IFT74: variants seen among roughly 807,000 people sequenced by gnomAD.
IFT74 encodes intraflagellar transport 74, also known as intraflagellar transport protein 74 homolog.
In IFT74, 92 loss-of-function variants were observed where a neutral mutation model predicts 96.7. That is an observed-to-expected ratio of 0.95 (90% confidence interval 0.80 to 1.13). The LOEUF is 1.13. Among genes scored for constraint, IFT74 ranks in the 50% most tolerant of loss-of-function variants. The pLI is 0.00. For synonymous variants in IFT74, 223 were observed against 213.2 expected, an observed-to-expected ratio of 1.05 and a Z score of -0.40; for missense variants, 811 against 698.2, an observed-to-expected ratio of 1.16 and a Z score of -1.82.
At position 26,972,919 on chromosome 9, in the gene IFT74, C is replaced by T. The variant is rs771710134; in HGVS notation, c.121-5209C>T. On this transcript the variant is annotated intron_variant, in intron 2 of 19. Transcript: ENST00000380062. The stretch of plus-strand genomic sequence containing the variant: ...GTCACCCACTTTTTTTATATCTTCA[C>T]CAGATATGAGAATATCATCCACATA... 5.9e-5 allele frequency among the ~76,000 whole-genome samples: 9 copies of T among 152,152 alleles called. No homozygotes were observed. The South Asian group carries it at 6.2e-4, about 10-fold the overall frequency.
intron 12 of IFT74, 131 bp downstream of exon 12, chr9:27,018,818 G>C: frequency 2.2e-6 from 1 of 457,194 alleles, no homozygotes. Flanking sequence ...GTGTTTAAGA[G>C]CCATTGCATA....
intron 6 of IFT74, 50 bp from the exon 7 acceptor site, chr9:26,988,619 G>A (rs748481089): frequency 5.5e-6 from 8 of 1,467,816 alleles, no homozygotes; most frequent in South Asian, 1.2e-5. Flanking sequence ...TAGAGAACAT[G>A]TGTAAAGACT....
chr9:27,052,260 A>G (rs1331547018), intron 16 of IFT74, among the ~76,000 whole-genome samples: 2 of 152,170 alleles, frequency 1.3e-5, no homozygotes, highest in African/African-American at 4.8e-5. Context: ...CTGTAATCCC[A>G]CCACTTTGGG....
intron 8 of IFT74, among the ~76,000 whole-genome samples, chr9:27,003,288 C>T (rs992110022): frequency 3.3e-5 from 5 of 151,754 alleles, no homozygotes; most frequent in South Asian, 2.1e-4. Context: ...TTTGGGAGGC[C>T]GAGGCGGGCA....
intron 8 of IFT74, among the ~76,000 whole-genome samples, chr9:26,992,641 C>T (rs1028059313): frequency 1.3e-5 from 2 of 151,568 alleles, no homozygotes; most frequent in Non-Finnish European, 2.9e-5. Context: ...TTCAGTAAGC[C>T]GAGATTGCGC....
At position 26,948,448 on chromosome 9, in the gene IFT74, A is replaced by ATTATTTTTTTTTTTTT. The variant is rs1825819541; in HGVS notation, c.-20+1304_-20+1305insATTTTTTTTTTTTTTT. ...TGACAACCTGTGATGGCTTTCCATT[A>ATTATTTTTTTTTTTTT]TTTTTTTTTTTTTTTTTTTTTTTTT... On this transcript the variant is annotated intron_variant, in intron 1 of 19. Transcript: ENST00000433700. Among the ~76,000 whole-genome samples the ATTATTTTTTTTTTTTT allele has an allele frequency of 2.7e-3, 160 of 59,170 alleles. 17 individuals carry two copies. Among genetic ancestry groups the ATTATTTTTTTTTTTTT allele is most frequent in the Non-Finnish European group, 3.9e-3 (103 of 26,088 alleles). The allele number at this position is 59,170 out of a possible 152,430, so 38.8% of individuals were successfully genotyped here.
chr9:27,055,351 G>A (rs1218553062), intron 16 of IFT74, among the ~76,000 whole-genome samples: 1 of 152,002 alleles, frequency 6.6e-6, no homozygotes, highest in Non-Finnish European at 1.5e-5. Flanking sequence ...AAACTTAAAT[G>A]TTTGTTAGCA....
At chr9:26,955,459 T>A (rs1253456022), upstream of IFT74, among the ~76,000 whole-genome samples, 1 of 152,138 alleles carries the variant, frequency 6.6e-6, no homozygotes, top group Non-Finnish European at 1.5e-5. Flanking sequence ...CATGTCCCAG[T>A]AATAAGGAAG....
At chr9:27,000,005 G>C (rs1048423134) in intron 8 of IFT74, among the ~76,000 whole-genome samples, 1 of 151,988 alleles carries the variant, frequency 6.6e-6, no homozygotes, top group African/African-American at 2.4e-5. Flanking sequence ...TCCTGGGTGC[G>C]AGCCATTTCC....
In IFT74 at chr9:27,030,235, A is replaced by G. The variant is rs573302361; in HGVS notation, c.1054+1131A>G. Among the ~76,000 whole-genome samples, 42 of 152,232 alleles carry G rather than the reference A, an allele frequency of 2.8e-4. 1 individual carries two copies. The South Asian group carries it at 7.9e-3, about 29-fold the overall frequency. On this transcript the variant is annotated intron_variant, in intron 13 of 19. Coordinates refer to ENST00000380062, the MANE Select transcript of IFT74 (RefSeq NM_025103.4). ...TAGGTATGGTATAAACAGTGTGCAC[A>G]TGTACATGTATTCTTGTTATGGCTA...
chr9:27,061,515 C>T (rs1274960594), intron 19 of IFT74, among the ~76,000 whole-genome samples: 1 of 151,982 alleles, frequency 6.6e-6, no homozygotes, highest in Non-Finnish European at 1.5e-5. Flanking sequence ...CTCCTAGGCT[C>T]AATCCCACCT....
At chr9:26,967,856 C>T (rs1042475597) in intron 2 of IFT74, among the ~76,000 whole-genome samples, 1 of 152,060 alleles carries the variant, frequency 6.6e-6, no homozygotes, top group Non-Finnish European at 1.5e-5. Flanking sequence ...GGCTTTTGTC[C>T]TTCAGTCTGA....
In IFT74 at chr9:26,988,715, A is replaced by G. The variant is rs779368580; in HGVS notation, c.512A>G (p.Asn171Ser). ...NTNTEMEEVM[N>S]DYNMLKAQND... ...AACACTGAAATGGAAGAAGTAATGAATGATTACAATATGGTAAGAAAATTT... is the reference window on the plus strand; with the variant it reads ...AACACTGAAATGGAAGAAGTAATGAGTGATTACAATATGGTAAGAAAATTT... The change falls in exon 7 of 20, where the codon AAT (asparagine) becomes AGT (serine). Residue 171 changes from asparagine to serine, a missense_variant. Coordinates refer to ENST00000380062, the MANE Select transcript of IFT74 (RefSeq NM_025103.4). The G allele has an allele frequency of 6.5e-7, 1 of 1,539,868 alleles. No individual in the cohort carries two copies.
At chr9:27,049,141 G>C (rs1348549880) in intron 16 of IFT74, among the ~76,000 whole-genome samples, 1 of 152,042 alleles carries the variant, frequency 6.6e-6, no homozygotes, top group Non-Finnish European at 1.5e-5. Flanking sequence ...GCTTCCTGAG[G>C]CCCTCACCAG....
At chr9:27,001,455 C>T (rs766013260) in intron 8 of IFT74, among the ~76,000 whole-genome samples, 11 of 152,270 alleles carry the variant, frequency 7.2e-5, no homozygotes, top group African/African-American at 1.2e-4. Flanking sequence ...TTCTCCACAT[C>T]GTCACCAGCA....
At position 26,948,448 on chromosome 9, in the gene IFT74, A is replaced by ATTATTTTTTTTTTTTTTTTTT. The variant is rs1825819541; in HGVS notation, c.-20+1304_-20+1305insATTTTTTTTTTTTTTTTTTTT. 5.1e-4 allele frequency among the ~76,000 whole-genome samples: 30 copies of ATTATTTTTTTTTTTTTTTTTT among 59,164 alleles called. 6 individuals are homozygous for ATTATTTTTTTTTTTTTTTTTT. Among genetic ancestry groups the ATTATTTTTTTTTTTTTTTTTT allele is most frequent in the East Asian group, 8.8e-4 (3 of 3,412 alleles). 38.8% of individuals were successfully genotyped at this position (59,164 alleles called of 152,430 possible). A position where few individuals can be genotyped will look rare whatever the true frequency, so the allele number is the denominator to read the frequency against. On this transcript the variant is annotated intron_variant, in intron 1 of 19. Transcript: ENST00000433700. ...TGACAACCTGTGATGGCTTTCCATT[A>ATTATTTTTTTTTTTTTTTTTT]TTTTTTTTTTTTTTTTTTTTTTTTT...
rs1827203056 is a variant in IFT74 at position 26,978,123 on chromosome 9, T to C, written c.121-5T>C. The C allele has an allele frequency of 6.4e-7, 1 of 1,570,152 alleles. No homozygotes were observed. Among genetic ancestry groups the C allele is most frequent in the Non-Finnish European group, 8.6e-7 (1 of 1,165,960 alleles). ...ACTAAAAATGAAATCTTGTTTGTCATTTAGATGCCACCTGGGACAGCAAGA... is the reference window on the plus strand; with the variant it reads ...ACTAAAAATGAAATCTTGTTTGTCACTTAGATGCCACCTGGGACAGCAAGA... On this transcript the variant is annotated splice_region_variant and splice_polypyrimidine_tract_variant and intron_variant, in intron 2 of 19. Transcript: ENST00000380062.
intron 8 of IFT74, among the ~76,000 whole-genome samples, chr9:27,008,666 T>C (rs552636467): frequency 6.4e-4 from 98 of 152,252 alleles, no homozygotes; most frequent in African/African-American, 2.0e-3. Flanking sequence ...AGCCTCTTAT[T>C]TGTCTTTTGA....
chr9:27,057,095 T>A (rs978748737), intron 18 of IFT74, among the ~76,000 whole-genome samples: 9 of 152,178 alleles, frequency 5.9e-5, no homozygotes, highest in African/African-American at 2.2e-4. Context: ...GATATTCTAG[T>A]GCATGGATGT....
Sources: allele counts gnomAD v4.1 joint callset (sites outside exome capture counted in the v4.1 genomes callset), GRCh38; gene constraint gnomAD v4.1.1; transcripts MANE v1.5; gene names NCBI Gene and HGNC (gene_info 2026-07-23, HGNC 2026-07-21).